Variants in PIK3C2A observed in about 807,000 individuals in gnomAD.
The protein encoded by PIK3C2A is phosphatidylinositol-4-phosphate 3-kinase catalytic subunit type 2 alpha, also known as phosphatidylinositol 4-phosphate 3-kinase C2 domain-containing subunit alpha.
In PIK3C2A, 97 loss-of-function variants were observed where a neutral mutation model predicts 204.5. That is an observed-to-expected ratio of 0.47 (90% CI 0.40 to 0.56). The LOEUF (loss-of-function observed/expected upper bound fraction) is 0.56. PIK3C2A is among the 20% of genes least tolerant of loss of function. PIK3C2A has a pLI of 0.00. For missense variants in PIK3C2A, 1,735 were observed against 1,969.2 expected, an observed-to-expected ratio of 0.88 and a Z score of 2.25; for synonymous variants, 653 against 664.4, an observed-to-expected ratio of 0.98 and a Z score of 0.26.
chr11:17,137,534 G>A (rs571517389), intron 8 of PIK3C2A, among the ~76,000 whole-genome samples: 5 of 148,456 alleles, frequency 3.4e-5, no homozygotes, highest in African/African-American at 7.4e-5. Context: ...TCAGCCTCCC[G>A]AGTAGCTGGG....
chr11:17,121,124 C>A (rs946895611), intron 15 of PIK3C2A, among the ~76,000 whole-genome samples: 1 of 151,820 alleles, frequency 6.6e-6, no homozygotes, highest in Admixed American at 6.6e-5. Flanking sequence ...CTTTTCTTTT[C>A]TTTTCTTTTT....
At chr11:17,185,264 C>T (rs759139786) in intron 1 of PIK3C2A, among the ~76,000 whole-genome samples, 62 of 152,104 alleles carry the variant, frequency 4.1e-4, no homozygotes, top group Non-Finnish European at 8.1e-4. Flanking sequence ...ATAGTATGTA[C>T]AGCATTTAAT....
intron 16 of PIK3C2A, 47 bp from the exon 17 acceptor site, chr11:17,119,360 G>T: frequency 9.1e-7 from 1 of 1,095,294 alleles, no homozygotes; most frequent in Non-Finnish European, 1.4e-6. Flanking sequence ...TTTCTTTCCA[G>T]TGAAGCTGTA....
chr11:17,110,316 A>T, intron 22 of PIK3C2A, 116 bp downstream of exon 22: 1 of 717,108 alleles, frequency 1.4e-6, no homozygotes, highest in Non-Finnish European at 2.3e-6. Context: ...ACACTGGATT[A>T]AAATAAGAAA....
intron 28 of PIK3C2A, among the ~76,000 whole-genome samples, chr11:17,093,244 A>C (rs1357089611): frequency 6.6e-6 from 1 of 152,206 alleles, no homozygotes; most frequent in Non-Finnish European, 1.5e-5. Flanking sequence ...TAAGATTTTG[A>C]TTGACAGTCT....
At chr11:17,184,067 T>G (rs568439290) in intron 1 of PIK3C2A, among the ~76,000 whole-genome samples, 1 of 152,098 alleles carries the variant, frequency 6.6e-6, no homozygotes, top group African/African-American at 2.4e-5. Context: ...TTACAGTGAG[T>G]TATATGATCA....
chr11:17,192,868 T>C (rs1353131478), intron 1 of PIK3C2A, among the ~76,000 whole-genome samples: 1 of 152,246 alleles, frequency 6.6e-6, no homozygotes, highest in African/African-American at 2.4e-5. Context: ...GGTTTTAATG[T>C]CCCCTCCAAA....
intron 1 of PIK3C2A, among the ~76,000 whole-genome samples, chr11:17,196,097 T>A: frequency 6.6e-6 from 1 of 151,910 alleles, no homozygotes; most frequent in East Asian, 1.9e-4. Flanking sequence ...CATTGTGGAT[T>A]AAGAAAAGAA....
chr11:17,193,847 AAAAAGAAAAGAAAAGAAAAG>A (rs71047536), intron 1 of PIK3C2A: 2,076 of 66,262 alleles, frequency 0.031, 318 homozygotes, highest in Non-Finnish European at 0.04. Flanking sequence ...TCTGTCTCAA[AAAAAGAAAAGAAAAGAAAAG>A]AAAAGAAAAG....
intron 8 of PIK3C2A, among the ~76,000 whole-genome samples, chr11:17,140,667 C>A (rs193019888): frequency 2.0e-5 from 3 of 152,244 alleles, no homozygotes; most frequent in Non-Finnish European, 4.4e-5. Context: ...TGAGGATTGA[C>A]TGCAAATCAG....
chr11:17,136,433 T>C, intron 9 of PIK3C2A, 49 bp downstream of exon 9: 2 of 1,416,310 alleles, frequency 1.4e-6, no homozygotes, highest in East Asian at 4.6e-5. Context: ...ATCTCCTGTT[T>C]AAGTACATAT....
Position 17,097,158 on chromosome 11 carries a change from G to C in PIK3C2A, c.4225C>G (p.Leu1409Val). 1 of 1,610,344 alleles carries C rather than the reference G, an allele frequency of 6.2e-7. No individual in the cohort carries two copies. Among genetic ancestry groups the C allele is most frequent in the Non-Finnish European group, 8.5e-7 (1 of 1,176,600 alleles). The part of the protein sequence containing the change: ...SGLPSNDEPI[L>V]SFSPKTYSFR... ...GAGTATGTTTTAGGTGAAAATGAAA[G>C]GATGGGCTCATCATTAGAAGGAAGA... Residue 1409 changes from leucine (L) to valine (V), a missense_variant, in exon 27 of 33, where the codon CTT becomes GTT. By Grantham distance (32) the Leu-to-Val change is conservative (BLOSUM62 1). Around this residue, in one of 6 missense-constraint regions of PIK3C2A, gnomAD observed 503 missense variants for 669.0 expected, o/e 0.75. Coordinates refer to ENST00000691414, the MANE Select transcript of PIK3C2A (RefSeq NM_002645.4).
intron 28 of PIK3C2A, 84 bp downstream of exon 28, chr11:17,094,177 A>T: frequency 1.1e-6 from 1 of 951,036 alleles, no homozygotes; most frequent in East Asian, 2.5e-5. Flanking sequence ...TATCTTACTA[A>T]GTGTTAACAC....
At chr11:17,182,329 C>T (rs1851594461) in intron 1 of PIK3C2A, among the ~76,000 whole-genome samples, 1 of 151,858 alleles carries the variant, frequency 6.6e-6, no homozygotes, top group South Asian at 2.1e-4. Flanking sequence ...TCACAAAACA[C>T]ATTGGGAGGC....
chr11:17,109,714 T>G (rs960428204), intron 22 of PIK3C2A, among the ~76,000 whole-genome samples: 25 of 152,250 alleles, frequency 1.6e-4, no homozygotes, highest in African/African-American at 5.8e-4. Context: ...TTTATTCATT[T>G]TTGTAGAGAC....
In PIK3C2A at chr11:17,134,898, T is replaced by C; in HGVS notation, c.2029A>G (p.Lys677Glu). 6.2e-7 allele frequency: 1 copy of C among 1,614,188 alleles called. No homozygotes were observed. Among genetic ancestry groups the C allele is most frequent in the Non-Finnish European group, 8.5e-7 (1 of 1,180,014 alleles). Residue 677 changes from lysine (K) to glutamate (E), a missense_variant, in exon 11 of 33, where the codon AAG (lysine) becomes GAG (glutamate). Physicochemically the swap from Lys to Glu is moderately conservative, Grantham distance 56 (BLOSUM62 1). Transcript: ENST00000691414. The part of the protein sequence containing the change: ...TDCAQSSKSV[K>E]EAWTTTEQLQ... ...TGCTCTGTTGTAGTCCATGCTTCCT[T>C]GACACTCTTGCTACTTTGGGCACAG...
intron 23 of PIK3C2A, among the ~76,000 whole-genome samples, chr11:17,104,509 A>G (rs1848740207): frequency 6.6e-6 from 1 of 152,048 alleles, no homozygotes; most frequent in Non-Finnish European, 1.5e-5. Flanking sequence ...GCGGATCACA[A>G]GGTCAGGAGA....
intron 1 of PIK3C2A, among the ~76,000 whole-genome samples, chr11:17,204,943 C>T (rs192388547): frequency 6.4e-4 from 97 of 152,156 alleles, no homozygotes; most frequent in African/African-American, 2.1e-3. Context: ...TTTGGGAGGG[C>T]GAGGCGGGCG....
chr11:17,119,089 A>G (rs544949940), intron 17 of PIK3C2A, 131 bp downstream of exon 17: 1 of 623,792 alleles, frequency 1.6e-6, no homozygotes, highest in East Asian at 2.7e-5. Context: ...ACTAAATCCA[A>G]ATGCAATGCC....
Sources: gnomAD v4.1 joint callset for allele counts (sites outside exome capture counted in the v4.1 genomes callset) on GRCh38, gnomAD v4.1.1 for gene constraint, gnomAD v4.1.1 regional missense constraint, MANE v1.5 for transcripts, NCBI Gene and HGNC (gene_info 2026-07-23, HGNC 2026-07-21) for gene names.